TMC1: variants seen among roughly 807,000 people sequenced by gnomAD.
TMC1 encodes transmembrane channel like 1.
TMC1 carries 84 observed loss-of-function variants against 105.8 expected under a neutral mutation model. That is an observed-to-expected ratio of 0.79 (90% CI 0.67 to 0.95). The LOEUF (loss-of-function observed/expected upper bound fraction) is 0.95, where lower values mean the gene tolerates loss of function less well. Ranked by LOEUF, TMC1 falls within the 40% of genes least tolerant of loss-of-function variation. The probability of loss-of-function intolerance (pLI) is 0.00; values close to 1 mark genes in which losing one functional copy is unlikely to be tolerated. For synonymous variants in TMC1, 315 were observed against 311.5 expected, an observed-to-expected ratio of 1.01 and a Z score of -0.12; for missense variants, 817 against 914.1, an observed-to-expected ratio of 0.89 and a Z score of 1.37.
chr9:72,656,585 T>C (rs970621908), intron 5 of TMC1, among the ~76,000 whole-genome samples: 2 of 152,240 alleles, frequency 1.3e-5, no homozygotes, highest in Non-Finnish European at 2.9e-5. Flanking sequence ...ATGAAATTAC[T>C]ATATCTGTTT....
intron 8 of TMC1, among the ~76,000 whole-genome samples, chr9:72,709,777 C>T (rs956282511): frequency 2.6e-5 from 4 of 152,026 alleles, no homozygotes; most frequent in Non-Finnish European, 4.4e-5. Flanking sequence ...TCTTGCTAAT[C>T]GTCTATCAAT....
intron 8 of TMC1, among the ~76,000 whole-genome samples, chr9:72,705,146 C>A (rs933494170): frequency 6.6e-6 from 1 of 152,138 alleles, no homozygotes; most frequent in Admixed American, 6.5e-5. Flanking sequence ...GCAGCACTTA[C>A]CTGATAGCAG....
intron 10 of TMC1, among the ~76,000 whole-genome samples, chr9:72,745,364 C>T (rs1225290031): frequency 6.6e-6 from 1 of 152,110 alleles, no homozygotes; most frequent in Admixed American, 6.5e-5. Flanking sequence ...GCTGCTTTCT[C>T]CTTTAGGGAA....
At chr9:72,652,000 T>C (rs1347617287) in intron 5 of TMC1, among the ~76,000 whole-genome samples, 1 of 152,132 alleles carries the variant, frequency 6.6e-6, no homozygotes, top group Non-Finnish European at 1.5e-5. Context: ...AGTGAGAACA[T>C]ATGATGTTTG....
intron 21 of TMC1, among the ~76,000 whole-genome samples, chr9:72,829,349 G>A (rs1341140359): frequency 2.0e-5 from 3 of 152,178 alleles, no homozygotes; most frequent in Non-Finnish European, 4.4e-5. Flanking sequence ...AAAAAGATTT[G>A]TGAGGAATAC....
At chr9:72,558,523 G>A (rs1823983628) in intron 1 of TMC1, among the ~76,000 whole-genome samples, 1 of 152,192 alleles carries the variant, frequency 6.6e-6, no homozygotes. Flanking sequence ...ACTCATCCAA[G>A]GGGTAGATCT....
intron 8 of TMC1, among the ~76,000 whole-genome samples, chr9:72,704,164 A>C (rs1339541292): frequency 4.6e-5 from 7 of 151,998 alleles, no homozygotes; most frequent in African/African-American, 1.7e-4. Context: ...GTTTCTAAGG[A>C]TTATGTTATT....
chr9:72,788,986 C>T, intron 14 of TMC1, 137 bp from the exon 15 acceptor site: 1 of 863,584 alleles, frequency 1.2e-6, no homozygotes, highest in Non-Finnish European at 1.8e-6. Context: ...TTTGTGGAAT[C>T]TCAGATTTAG....
intron 8 of TMC1, among the ~76,000 whole-genome samples, chr9:72,709,692 G>A (rs1564505847): frequency 6.6e-6 from 1 of 151,976 alleles, no homozygotes; most frequent in Non-Finnish European, 1.5e-5. Flanking sequence ...GTATTTCTGT[G>A]GTGTTGGCTG....
At chr9:72,763,179 C>G (rs1827782874) in intron 12 of TMC1, among the ~76,000 whole-genome samples, 1 of 131,064 alleles carries the variant, frequency 7.6e-6, no homozygotes, top group Non-Finnish European at 1.6e-5. Context: ...GTGAGCTTTT[C>G]TTTTGCAAAT....
At chr9:72,727,658 C>G (rs1019122659) in intron 8 of TMC1, among the ~76,000 whole-genome samples, 1 of 152,000 alleles carries the variant, frequency 6.6e-6, no homozygotes, top group Non-Finnish European at 1.5e-5. Flanking sequence ...ACAGAGTTTC[C>G]TTCTTATTCT....
At chr9:72,622,977 G>A (rs937109019) in intron 3 of TMC1, among the ~76,000 whole-genome samples, 4 of 151,536 alleles carry the variant, frequency 2.6e-5, no homozygotes, top group East Asian at 3.9e-4. Flanking sequence ...ACTTGAACCC[G>A]GGTGTCGGAG....
chr9:72,739,341 T>C (rs1003734639), intron 8 of TMC1, among the ~76,000 whole-genome samples: 5 of 152,192 alleles, frequency 3.3e-5, no homozygotes, highest in African/African-American at 1.2e-4. Flanking sequence ...GGAGATTAGA[T>C]TTCAACATAC....
chr9:72,813,606 G>A (rs1828738230), intron 18 of TMC1, among the ~76,000 whole-genome samples: 1 of 152,186 alleles, frequency 6.6e-6, no homozygotes, highest in Admixed American at 6.5e-5. Flanking sequence ...ACTGCTAAAT[G>A]CTGTTGTTTT....
At chr9:72,806,288 T>TA (rs1828580991) in intron 18 of TMC1, among the ~76,000 whole-genome samples, 1 of 125,828 alleles carries the variant, frequency 7.9e-6, no homozygotes, top group Admixed American at 7.6e-5. Flanking sequence ...CACTTCCCAG[T>TA]AGGGGCAGCC....
intron 8 of TMC1, among the ~76,000 whole-genome samples, chr9:72,720,492 A>G (rs527606006): frequency 2.0e-5 from 3 of 152,334 alleles, no homozygotes; most frequent in Non-Finnish European, 4.4e-5. Context: ...TGTCTCTCTC[A>G]TCCTGCTGAT....
At chr9:72,752,301 C>A (rs1452352319) in intron 11 of TMC1, among the ~76,000 whole-genome samples, 2 of 152,140 alleles carry the variant, frequency 1.3e-5, no homozygotes, top group African/African-American at 4.8e-5. Flanking sequence ...GACTTTGACA[C>A]CTTGTGAGTT....
intron 21 of TMC1, 87 bp from the exon 22 acceptor site, chr9:72,830,364 T>C: frequency 1.1e-6 from 1 of 906,046 alleles, no homozygotes; most frequent in Admixed American, 1.9e-5. Flanking sequence ...CATGCTGATA[T>C]TTCATAATTT....
intron 12 of TMC1, among the ~76,000 whole-genome samples, chr9:72,762,547 G>C (rs1024330910): frequency 6.6e-6 from 1 of 152,202 alleles, no homozygotes; most frequent in Non-Finnish European, 1.5e-5. Flanking sequence ...GGTCAGCAGA[G>C]GCTGAACTTC....
Sources: allele counts gnomAD v4.1 joint callset (sites outside exome capture counted in the v4.1 genomes callset), GRCh38; gene constraint gnomAD v4.1.1; transcripts MANE v1.5; gene names NCBI Gene and HGNC (gene_info 2026-07-23, HGNC 2026-07-21).